PCDH15: variants seen among roughly 807,000 people sequenced by gnomAD.
PCDH15 encodes protocadherin related 15, also known as protocadherin-15.
Under a neutral mutation model 178.5 loss-of-function variants are expected in PCDH15, and 129 were observed. The ratio of observed to expected loss-of-function variants is 0.72; its 90% CI spans 0.63 to 0.84. The LOEUF is 0.84. PCDH15 is among the 40% of genes least tolerant of loss of function. PCDH15 has a pLI of 0.00. For synonymous variants in PCDH15, 800 were observed against 732.0 expected, an observed-to-expected ratio of 1.09 and a Z score of -1.50; for missense variants, 2,230 against 2,099.9, an observed-to-expected ratio of 1.06 and a Z score of -1.21.
At chr10:55,183,394 C>T (rs1591972406) in intron 1 of PCDH15, among the ~76,000 whole-genome samples, 1 of 151,914 alleles carries the variant, frequency 6.6e-6, no homozygotes, top group East Asian at 1.9e-4. Flanking sequence ...CAGAACTATT[C>T]CTGAAACATG....
intron 1 of PCDH15, among the ~76,000 whole-genome samples, chr10:54,742,664 G>C (rs909950445): frequency 6.6e-6 from 1 of 151,954 alleles, no homozygotes; most frequent in Non-Finnish European, 1.5e-5. Context: ...CTTTATACCA[G>C]GGTGAAGTCG....
At chr10:55,009,883 T>C (rs1395434673) in intron 2 of PCDH15, among the ~76,000 whole-genome samples, 1 of 152,162 alleles carries the variant, frequency 6.6e-6, no homozygotes, top group South Asian at 2.1e-4. Context: ...ATACCTCTAG[T>C]TCATTAACTC....
intron 5 of PCDH15, among the ~76,000 whole-genome samples, chr10:54,357,166 T>A: frequency 6.6e-6 from 1 of 152,076 alleles, no homozygotes; most frequent in Admixed American, 6.6e-5. Context: ...GCCAGGGCAG[T>A]TAGGCAGGAG....
At chr10:55,235,848 A>G (rs1459260941) in intron 1 of PCDH15, among the ~76,000 whole-genome samples, 1 of 143,546 alleles carries the variant, frequency 7.0e-6, no homozygotes, top group Non-Finnish European at 1.5e-5. Flanking sequence ...TGGAGGTTGC[A>G]GTGAGCCGAG....
chr10:54,600,846 A>T (rs2092487774), intron 2 of PCDH15, among the ~76,000 whole-genome samples: 1 of 151,960 alleles, frequency 6.6e-6, no homozygotes, highest in Non-Finnish European at 1.5e-5. Context: ...CTCCCCCCTC[A>T]GTCTTTGGGG....
At chr10:54,009,876 A>G (rs2092516570) in intron 20 of PCDH15, among the ~76,000 whole-genome samples, 2 of 152,168 alleles carry the variant, frequency 1.3e-5, no homozygotes, top group Admixed American at 1.3e-4. Context: ...AGCCATACTC[A>G]GGCACACAGG....
intron 2 of PCDH15, among the ~76,000 whole-genome samples, chr10:55,444,038 A>T (rs1839258436): frequency 6.6e-6 from 1 of 152,054 alleles, no homozygotes; most frequent in African/African-American, 2.4e-5. Context: ...ACAGGAACAA[A>T]ATATCAAACA....
rs1392507397 is a variant in PCDH15 at position 54,350,963 on chromosome 10, G to C, written c.475-4479C>G. ...TACTAAAAATACAAAAATTAACCAGGCATGGTGGTGCACACCTGTAGTCCC... is the reference window on the plus strand; with the variant it reads ...TACTAAAAATACAAAAATTAACCAGCCATGGTGGTGCACACCTGTAGTCCC... On this transcript the variant is annotated intron_variant, in intron 5 of 37. Transcript: ENST00000644397. Among the ~76,000 whole-genome samples the C allele has an allele frequency of 4.6e-5, 7 of 152,106 alleles. No individual in the cohort carries two copies. In the South Asian group the frequency reaches 1.5e-3, roughly 32 times the overall value.
At chr10:54,020,122 T>A in intron 20 of PCDH15, 70 bp downstream of exon 20, 1 of 1,291,748 alleles carries the variant, frequency 7.7e-7, no homozygotes, top group Non-Finnish European at 1.1e-6. Flanking sequence ...ATTATAGGTA[T>A]AATAGAAGGA....
chr10:54,491,057 G>C (rs992985971), intron 3 of PCDH15, among the ~76,000 whole-genome samples: 2 of 152,220 alleles, frequency 1.3e-5, no homozygotes, highest in Non-Finnish European at 2.9e-5. Flanking sequence ...ATGCACTAAC[G>C]TATAAGGGAA....
chr10:55,586,402 T>A (rs1842727982), intron 2 of PCDH15, among the ~76,000 whole-genome samples: 1 of 152,108 alleles, frequency 6.6e-6, no homozygotes, highest in African/African-American at 2.4e-5. Context: ...ACCAGTTCCT[T>A]GCACTAGCCT....
chr10:54,501,754 C>T (rs1019401178), intron 3 of PCDH15, among the ~76,000 whole-genome samples: 1 of 151,890 alleles, frequency 6.6e-6, no homozygotes, highest in Non-Finnish European at 1.5e-5. Flanking sequence ...CATGATTATA[C>T]ATATAAAAGT....
chr10:53,914,691 C>T (rs757958989), intron 25 of PCDH15, among the ~76,000 whole-genome samples: 3 of 151,896 alleles, frequency 2.0e-5, no homozygotes, highest in Non-Finnish European at 2.9e-5. Flanking sequence ...TGCAGCAAAC[C>T]AACATGGCAC....
At chr10:55,058,457 G>C (rs966666227) in intron 2 of PCDH15, among the ~76,000 whole-genome samples, 1 of 152,022 alleles carries the variant, frequency 6.6e-6, no homozygotes, top group Non-Finnish European at 1.5e-5. Context: ...TGATCCACCT[G>C]TCTCGGCTCT....
At chr10:53,965,604 T>C (rs951898146) in intron 21 of PCDH15, among the ~76,000 whole-genome samples, 2 of 152,194 alleles carry the variant, frequency 1.3e-5, no homozygotes, top group Non-Finnish European at 2.9e-5. Context: ...TAGAATTTGA[T>C]ACCCTAGTAA....
At chr10:54,712,948 G>A (rs988816166) in intron 1 of PCDH15, among the ~76,000 whole-genome samples, 7 of 152,128 alleles carry the variant, frequency 4.6e-5, no homozygotes, top group Admixed American at 4.6e-4. Context: ...TGTAAGAGAT[G>A]TATGATAGAA....
chr10:54,062,253 CAAAAAACA>C (rs2094041991), intron 18 of PCDH15, among the ~76,000 whole-genome samples: 2 of 75,884 alleles, frequency 2.6e-5, no homozygotes, highest in Admixed American at 3.6e-4. Context: ...AAAAAAAAAA[CAAAAAACA>C]ACTAAATGAA....
At chr10:55,397,260 T>C (rs1287427753) in intron 2 of PCDH15, among the ~76,000 whole-genome samples, 2 of 152,220 alleles carry the variant, frequency 1.3e-5, no homozygotes, top group Admixed American at 6.5e-5. Context: ...AAAGTTGTTC[T>C]ACATTGAGAG....
At chr10:55,560,642 C>T (rs556015859) in intron 2 of PCDH15, among the ~76,000 whole-genome samples, 24 of 151,926 alleles carry the variant, frequency 1.6e-4, no homozygotes, top group Middle Eastern at 3.4e-3. Flanking sequence ...TAAATCAATT[C>T]AGTAATGAAA....
Sources: gnomAD v4.1 joint callset for allele counts (sites outside exome capture counted in the v4.1 genomes callset) on GRCh38, gnomAD v4.1.1 for gene constraint, MANE v1.5 for transcripts, NCBI Gene and HGNC (gene_info 2026-07-23, HGNC 2026-07-21) for gene names.